ZNF778: variants seen among roughly 807,000 people sequenced by gnomAD.
ZNF778 encodes the protein zinc finger protein 778.
Under a neutral mutation model 23.9 loss-of-function variants are expected in ZNF778, and 37 were observed. That is an observed-to-expected ratio of 1.54 (90% CI 1.19 to 2.03). ZNF778 has a LOEUF of 2.03. Ranked by LOEUF, ZNF778 falls within the 30% of genes most tolerant of loss-of-function variation. The pLI is 0.00. For missense variants in ZNF778, 1,297 were observed against 934.4 expected (o/e 1.39, Z -5.06); for synonymous variants, 483 against 343.9 (o/e 1.40, Z -4.48).
chr16:89,219,479 T>C (rs867853702), intron 1 of ZNF778, among the ~76,000 whole-genome samples: 3 of 152,226 alleles, frequency 2.0e-5, no homozygotes, highest in Admixed American at 6.5e-5. Context: ...TCATGTCCCA[T>C]GTTAGCTGTT....
At position 89,233,037 on chromosome 16, in the gene ZNF778, T is replaced by A. The variant is rs749994422; in HGVS notation, c.*4475T>A. The A allele has an allele frequency of 5.5e-6, 7 of 1,270,896 alleles. No homozygotes were observed. Among genetic ancestry groups the A allele is most frequent in the Admixed American group, 2.4e-5 (1 of 41,968 alleles). 78.7% of individuals were successfully genotyped at this position (1,270,896 alleles called of 1,614,324 possible). A position where few individuals can be genotyped will look rare whatever the true frequency, so the allele number is the denominator to read the frequency against. ...TATGCAACTCAAGTCGCACTGCGTA[T>A]GCAACTCAGCTCGCTCTGCGTATGC... On this transcript the variant is annotated 3_prime_UTR_variant, in exon 7 of 7. Coordinates refer to ENST00000433976, the MANE Select transcript of ZNF778 (RefSeq NM_001201407.2).
chr16:89,233,956 G>T lies in ZNF778; in HGVS notation c.*5394G>T, dbSNP rs766118426. 4.7e-6 allele frequency: 6 copies of T among 1,277,268 alleles called. No homozygotes were observed. The highest frequency in any genetic ancestry group is 1.1e-4 in the East Asian group (2 of 17,962). 79.1% of individuals were successfully genotyped at this position (1,277,268 alleles called of 1,614,324 possible). On this transcript the variant is annotated 3_prime_UTR_variant, in exon 7 of 7. Coordinates refer to ENST00000433976, the MANE Select transcript of ZNF778 (RefSeq NM_001201407.2). ...CTGTATGCCCTTGGGCCTGCTGGAA[G>T]TATGCAGACTAGCCAGCCCCAGACT...
chr16:89,233,614 A>G lies in ZNF778; in HGVS notation c.*5052A>G, dbSNP rs1289044711. 4.4e-6 allele frequency: 5 copies of G among 1,124,132 alleles called. No homozygotes were observed. The highest frequency in any genetic ancestry group is 2.8e-5 in the Admixed American group (1 of 35,566). 69.6% of individuals were successfully genotyped at this position (1,124,132 alleles called of 1,614,324 possible). A position where few individuals can be genotyped will look rare whatever the true frequency, so the allele number is the denominator to read the frequency against. On this transcript the variant is annotated 3_prime_UTR_variant, in exon 7 of 7. Transcript: ENST00000433976. ...CAACTCAACTCATACTGCATATGCAACTCAACTCACACTGTATGCAACTCA... is the reference window on the plus strand; with the variant it reads ...CAACTCAACTCATACTGCATATGCAGCTCAACTCACACTGTATGCAACTCA...
rs10400977 is a variant in ZNF778, at chr16:89,231,075, C to G, written c.*2513C>G. 6.6e-6 allele frequency: 1 copy of G among 152,150 alleles called. No individual in the cohort carries two copies. Among genetic ancestry groups the G allele is most frequent in the South Asian group, 2.1e-4 (1 of 4,832 alleles). 9.4% of individuals were successfully genotyped at this position (152,150 alleles called of 1,614,324 possible). A position where few individuals can be genotyped will look rare whatever the true frequency, so the allele number is the denominator to read the frequency against. On this transcript the variant is annotated 3_prime_UTR_variant, in exon 7 of 7. Coordinates refer to ENST00000433976, the MANE Select transcript of ZNF778 (RefSeq NM_001201407.2). ...GACAGAGCCATGCACCTTCATGTTA[C>G]GTGTTTGTTGTGGAGAGGAGTGGGT... is the stretch of plus-strand genomic sequence containing the variant.
Position 89,232,449 on chromosome 16 carries a change from A to T in ZNF778, c.*3887A>T. 1 of 362,458 alleles carries T rather than the reference A, an allele frequency of 2.8e-6. No homozygotes were observed. The highest frequency in any genetic ancestry group is 5.0e-6 in the Non-Finnish European group (1 of 198,654). 22.5% of individuals were successfully genotyped at this position (362,458 alleles called of 1,614,324 possible). A position where few individuals can be genotyped will look rare whatever the true frequency, so the allele number is the denominator to read the frequency against. On this transcript the variant is annotated 3_prime_UTR_variant, in exon 7 of 7. Coordinates refer to ENST00000433976, the MANE Select transcript of ZNF778 (RefSeq NM_001201407.2). ...CAGACAGACTAAGACACCAAGCATGATGGAAAACTGGGTTATGGGCAGGAC... is the reference window on the plus strand; with the variant it reads ...CAGACAGACTAAGACACCAAGCATGTTGGAAAACTGGGTTATGGGCAGGAC...
At position 89,229,100 on chromosome 16, in the gene ZNF778, GA is replaced by G; in HGVS notation, c.*539del. On this transcript the variant is annotated 3_prime_UTR_variant, in exon 7 of 7. Transcript: ENST00000433976. ...ATGCTGCACTGATCATTCTTGGAGT[GA>G]GGACTCTGTTCCCTGTAGAAATCCT... 5.1e-6 allele frequency: 5 copies of G among 986,434 alleles called. No homozygotes were observed. Among genetic ancestry groups the G allele is most frequent in the Non-Finnish European group, 6.0e-6 (5 of 830,692 alleles). 61.1% of individuals were successfully genotyped at this position (986,434 alleles called of 1,614,324 possible). A position where few individuals can be genotyped will look rare whatever the true frequency, so the allele number is the denominator to read the frequency against.
In ZNF778 at chr16:89,222,199, AT is replaced by A; in HGVS notation, c.117+22del. 2 of 1,581,518 alleles carry A rather than the reference AT, an allele frequency of 1.3e-6. No homozygotes were observed. The highest frequency in any genetic ancestry group is 1.7e-6 in the Non-Finnish European group (2 of 1,158,894). ...TTGTTACCAGGTATGCCAAAACTGT[AT>A]TTTTTCTTAAAATAACATACTGGTA... On this transcript the variant is annotated intron_variant, in intron 3 of 6. Coordinates refer to ENST00000433976, the MANE Select transcript of ZNF778 (RefSeq NM_001201407.2).
rs913895911 is a variant in ZNF778 at position 89,229,517 on chromosome 16, G to A, written c.*955G>A. ...GTCTTGAGGATCCAGATGTGATTCT[G>A]TGAGCAGCATAGGCTCTGGTTGGTT... On this transcript the variant is annotated 3_prime_UTR_variant, in exon 7 of 7. Transcript: ENST00000433976. 2 of 975,932 alleles carry A rather than the reference G, an allele frequency of 2.0e-6. No individual in the cohort carries two copies. The highest frequency in any genetic ancestry group is 3.8e-5 in the African/African-American group (2 of 53,002). 60.5% of individuals were successfully genotyped at this position (975,932 alleles called of 1,614,324 possible).
chr16:89,226,728 G>A lies in ZNF778; in HGVS notation c.440G>A (p.Arg147His), dbSNP rs147862405. 2.0e-4 allele frequency: 319 copies of A among 1,613,412 alleles called. No individual in the cohort carries two copies. Among genetic ancestry groups the A allele is most frequent in the Admixed American group, 2.8e-4 (17 of 59,944 alleles). The change falls in exon 7 of 7, where the codon CGC (arginine) becomes CAC (histidine). Residue 147 changes from arginine (R) to histidine (H), a missense_variant. Arg to His is a conservative substitution (Grantham distance 29). Coordinates refer to ENST00000433976, the MANE Select transcript of ZNF778 (RefSeq NM_001201407.2). ...RSHNGGQLCD[R>H]TQCGEAFSEH... ...CACAATGGAGGGCAGCTCTGTGACC[G>A]CACGCAGTGTGGAGAAGCTTTCAGT...
rs1034609311 is a variant in ZNF778 at position 89,224,645 on chromosome 16, A to G, written c.245-74A>G. The stretch of plus-strand genomic sequence containing the variant: ...AAAAATAATAAAAAAAAGGAAATGT[A>G]GTTCCTGTTCACGGGTAGGTTTGTC... On this transcript the variant is annotated intron_variant, in intron 4 of 6. Coordinates refer to ENST00000433976, the MANE Select transcript of ZNF778 (RefSeq NM_001201407.2). The G allele has an allele frequency of 7.6e-6, 8 of 1,053,798 alleles. No homozygotes were observed. In the African/African-American group the frequency reaches 1.1e-4, roughly 14 times the overall value. 65.3% of individuals were successfully genotyped at this position (1,053,798 alleles called of 1,614,324 possible).
Position 89,230,310 on chromosome 16 carries a change from G to A in ZNF778, c.*1748G>A, listed in dbSNP as rs1042076614. On this transcript the variant is annotated 3_prime_UTR_variant, in exon 7 of 7. Transcript: ENST00000433976. ...CACCACCCCCCACGTGGGGAGGAGG[G>A]AATTCCTGTACCTTAGGCAGTGCCG... 6.4e-6 allele frequency: 1 copy of A among 155,398 alleles called. No homozygotes were observed. Among genetic ancestry groups the A allele is most frequent in the Middle Eastern group, 3.1e-3 (1 of 322 alleles). The allele number at this position is 155,398 out of a possible 1,614,324, so 9.6% of individuals were successfully genotyped here.
intron 5 of ZNF778, 52 bp from the exon 6 acceptor site, chr16:89,225,503 A>T (rs768698100): frequency 1.4e-6 from 2 of 1,448,680 alleles, no homozygotes; most frequent in Non-Finnish European, 1.9e-6. Flanking sequence ...CTTATATGAA[A>T]ACAAATACCA....
Position 89,227,127 on chromosome 16 carries a change from C to T in ZNF778, c.839C>T (p.Pro280Leu). The T allele has an allele frequency of 6.2e-7, 1 of 1,613,994 alleles. No individual in the cohort carries two copies. The highest frequency in any genetic ancestry group is 1.1e-5 in the South Asian group (1 of 91,078). Reference protein sequence around the residue: ...TPVEMHAVRNPHVCRECGKAF... With the variant: ...TPVEMHAVRNLHVCRECGKAF... ...GTTGAAATGCATGCCGTCAGGAATC[C>T]CCACGTATGTAGGGAATGTGGGAAG... Residue 280 changes from proline (P) to leucine (L), a missense_variant, in exon 7 of 7, where the codon CCC (proline) becomes CTC (leucine). Transcript: ENST00000433976.
chr16:89,221,614 T>A (rs988633061), intron 2 of ZNF778, among the ~76,000 whole-genome samples: 9 of 130,452 alleles, frequency 6.9e-5, no homozygotes, highest in African/African-American at 2.6e-4. Flanking sequence ...TGTGTGTGTA[T>A]TTTCCTGAGG....
chr16:89,232,888 C>T lies in ZNF778; in HGVS notation c.*4326C>T. On this transcript the variant is annotated 3_prime_UTR_variant, in exon 7 of 7. Transcript: ENST00000433976. ...AACTCGCACTGCGTATGCAACTCAACTCGCACTGCGTATGCAACTCAACTC... is the reference window on the plus strand; with the variant it reads ...AACTCGCACTGCGTATGCAACTCAATTCGCACTGCGTATGCAACTCAACTC... 2 of 1,272,122 alleles carry T rather than the reference C, an allele frequency of 1.6e-6. No homozygotes were observed. The highest frequency in any genetic ancestry group is 2.0e-6 in the Non-Finnish European group (2 of 976,410). The allele number at this position is 1,272,122 out of a possible 1,614,324, so 78.8% of individuals were successfully genotyped here. A position where few individuals can be genotyped will look rare whatever the true frequency, so the allele number is the denominator to read the frequency against.
rs2031659707 is a variant in ZNF778 at position 89,228,033 on chromosome 16, T to G, written c.1745T>G (p.Ile582Ser). 8.8e-6 allele frequency: 14 copies of G among 1,589,412 alleles called. No individual in the cohort carries two copies. Among genetic ancestry groups the G allele is most frequent in the Non-Finnish European group, 1.2e-5 (14 of 1,164,806 alleles). The change falls in exon 7 of 7, where the codon ATT (isoleucine) becomes AGT (serine). Residue 582 changes from isoleucine (I) to serine (S), a missense_variant. Ile to Ser is a moderately radical substitution (Grantham distance 142, BLOSUM62 -2). Coordinates refer to ENST00000433976, the MANE Select transcript of ZNF778 (RefSeq NM_001201407.2). ...NSSCLNKHIQ[I>S]HTGIKPYECK... Reference sequence around the variant, plus strand: ...TCGTGCCTGAATAAGCACATTCAGATTCACACTGGAATAAAACCTTATGAA... The same window carrying G: ...TCGTGCCTGAATAAGCACATTCAGAGTCACACTGGAATAAAACCTTATGAA...
intron 1 of ZNF778, among the ~76,000 whole-genome samples, chr16:89,220,200 G>A (rs1038575905): frequency 6.6e-6 from 1 of 152,142 alleles, no homozygotes; most frequent in Non-Finnish European, 1.5e-5. Context: ...CCTCGCCCCC[G>A]CCGACACCTA....
In ZNF778 at chr16:89,224,736, C is replaced by A. The variant is rs771096992; in HGVS notation, c.262C>A (p.Pro88Thr). The stretch of plus-strand genomic sequence containing the variant: ...GTGTACAGGACATCACCTGTTCCAA[C>A]CCAGTGTGATCTATTGGCTGGAGCA... ...LASVGHHLFQ[P>T]SVIYWLEQEE... Residue 88 changes from proline to threonine, a missense_variant, in exon 5 of 7, where the codon CCC (proline) becomes ACC (threonine). By Grantham distance (38) the Pro-to-Thr change is conservative. Coordinates refer to ENST00000433976, the MANE Select transcript of ZNF778 (RefSeq NM_001201407.2). 6.5e-7 allele frequency: 1 copy of A among 1,535,542 alleles called. No homozygotes were observed. Among genetic ancestry groups the A allele is most frequent in the South Asian group, 1.2e-5 (1 of 84,050 alleles).
chr16:89,228,135 C>G lies in ZNF778; in HGVS notation c.1847C>G (p.Pro616Arg). ...ATACGAACTCACACTGGAGAGAAACCTTATGAATGTAAAGTATGCGGAAAG... is the reference window on the plus strand; with the variant it reads ...ATACGAACTCACACTGGAGAGAAACGTTATGAATGTAAAGTATGCGGAAAG... Reference protein sequence around the residue: ...EHIRTHTGEKPYECKVCGKAF... With the variant: ...EHIRTHTGEKRYECKVCGKAF... Residue 616 changes from proline (P) to arginine (R), a missense_variant, in exon 7 of 7, where the codon CCT (proline) becomes CGT (arginine). Physicochemically the swap from Pro to Arg is moderately radical, Grantham distance 103. Coordinates refer to ENST00000433976, the MANE Select transcript of ZNF778 (RefSeq NM_001201407.2). 6.2e-7 allele frequency: 1 copy of G among 1,613,460 alleles called. No individual in the cohort carries two copies. Among genetic ancestry groups the G allele is most frequent in the Non-Finnish European group, 8.5e-7 (1 of 1,179,562 alleles).
Sources: allele counts gnomAD v4.1 joint callset (sites outside exome capture counted in the v4.1 genomes callset), GRCh38; gene constraint gnomAD v4.1.1; transcripts MANE v1.5; gene names NCBI Gene and HGNC (gene_info 2026-07-23, HGNC 2026-07-21).